MAFF: variants seen among roughly 807,000 people sequenced by gnomAD.
MAFF encodes MAF bZIP transcription factor F.
MAFF carries 4 observed loss-of-function variants against 2.7 expected under a neutral mutation model. The ratio of observed to expected loss-of-function variants is 1.48; its 90% CI spans 0.73 to 3.39. The LOEUF is 3.39. Among genes scored for constraint, MAFF ranks in the 30% most tolerant of loss-of-function variants. MAFF has a pLI of 0.01. For missense variants in MAFF, 190 were observed against 246.6 expected, an observed-to-expected ratio of 0.77 and a Z score of 1.54; for synonymous variants, 113 against 119.4, an observed-to-expected ratio of 0.95 and a Z score of 0.35.
rs955547684 is a variant in MAFF, at chr22:38,202,347, C to T, written c.-32+135C>T. On this transcript the variant is annotated intron_variant, in intron 1 of 2. Coordinates refer to ENST00000338483, the MANE Select transcript of MAFF (RefSeq NM_012323.4). This position sits in a 1 kb window ranked among gnomAD's most constrained non-coding sequence, Gnocchi z 7.4. ...CCGGAGCTCCATCGCCCGGACGGCTCGGGGCGGGGAGAAGGGAGCGGCCGT... is the reference window on the plus strand; with the variant it reads ...CCGGAGCTCCATCGCCCGGACGGCTTGGGGCGGGGAGAAGGGAGCGGCCGT... 9 of 151,830 alleles carry T rather than the reference C, an allele frequency of 5.9e-5. No individual in the cohort carries two copies. The highest frequency in any genetic ancestry group is 2.2e-4 in the African/African-American group (9 of 41,362). 9.4% of individuals were successfully genotyped at this position (151,830 alleles called of 1,614,324 possible).
chr22:38,211,297 G>A (rs2091099313), intron 1 of MAFF, among the ~76,000 whole-genome samples: 1 of 151,576 alleles, frequency 6.6e-6, no homozygotes, highest in Admixed American at 6.6e-5. Context: ...CACAATCTTG[G>A]CTCACTGCAA....
intron 1 of MAFF, chr22:38,203,459 T>C (rs900089441): frequency 5.3e-5 from 8 of 152,170 alleles, no homozygotes; most frequent in African/African-American, 9.7e-5. Flanking sequence ...GCAGGGTCAG[T>C]AGGCATTGGG....
chr22:38,204,981 G>A lies in MAFF; in HGVS notation c.-32+2769G>A, dbSNP rs138082678. ...CAAGGCAAGAGGCTGGTGAGCAGGC[G>A]GTTGTGGTCATGGTCCAGATGAAGG... On this transcript the variant is annotated intron_variant, in intron 1 of 2. Transcript: ENST00000338483. 2.8e-3 allele frequency among the ~76,000 whole-genome samples: 426 copies of A among 152,190 alleles called. 7 individuals are homozygous for A. In the East Asian group the frequency reaches 0.055, roughly 20 times the overall value.
chr22:38,209,024 T>C (rs2091075616), intron 1 of MAFF, among the ~76,000 whole-genome samples: 1 of 150,840 alleles, frequency 6.6e-6, no homozygotes, highest in Admixed American at 6.6e-5. Flanking sequence ...ATCCTTAGGA[T>C]AGTAGGGAAC....
At chr22:38,207,409 C>T (rs1449821293) in intron 1 of MAFF, among the ~76,000 whole-genome samples, 1 of 142,344 alleles carries the variant, frequency 7.0e-6, no homozygotes, top group Non-Finnish European at 1.5e-5. Flanking sequence ...GCATGAGCCA[C>T]CTTGCTTGGC....
rs1333848025 is a variant in MAFF at position 38,215,439 on chromosome 22, C to CT, written c.*563dup. ...GAAACAGGCCTGAGGTCACATTTCACTTAGTGGTTGTGTTGGGACCAAAAC... is the reference window on the plus strand; with the variant it reads ...GAAACAGGCCTGAGGTCACATTTCACTTTAGTGGTTGTGTTGGGACCAAAAC... On this transcript the variant is annotated 3_prime_UTR_variant, in exon 3 of 3. Transcript: ENST00000338483. The CT allele has an allele frequency of 6.0e-6, 1 of 167,564 alleles. No individual in the cohort carries two copies. Among genetic ancestry groups the CT allele is most frequent in the Non-Finnish European group, 1.5e-5 (1 of 68,416 alleles). 10.4% of individuals were successfully genotyped at this position (167,564 alleles called of 1,614,324 possible). A position where few individuals can be genotyped will look rare whatever the true frequency, so the allele number is the denominator to read the frequency against.
At chr22:38,213,667 A>ACTC in intron 1 of MAFF, 156 bp from the exon 2 acceptor site, 1 of 700,058 alleles carries the variant, frequency 1.4e-6, no homozygotes, top group South Asian at 1.5e-5. Context: ...GAGCCATTCA[A>ACTC]GGAGGCCTGT....
At chr22:38,209,757 T>C (rs141854951) in intron 1 of MAFF, among the ~76,000 whole-genome samples, 1,430 of 130,826 alleles carry the variant, frequency 0.011, 24 homozygotes, top group African/African-American at 0.04. Context: ...GAGGTTGCAG[T>C]GAGCTGAGAT....
At chr22:38,211,375 T>C (rs1014333211) in intron 1 of MAFF, among the ~76,000 whole-genome samples, 1 of 152,030 alleles carries the variant, frequency 6.6e-6, no homozygotes, top group African/African-American at 2.4e-5. Context: ...TACAGGCACG[T>C]GCCACCACGC....
At chr22:38,207,079 G>T (rs368793977) in intron 1 of MAFF, among the ~76,000 whole-genome samples, 6 of 151,158 alleles carry the variant, frequency 4.0e-5, no homozygotes, top group African/African-American at 1.5e-4. Flanking sequence ...ACAGGGAGGA[G>T]GTGTGTGGCT....
rs1459638861 is a variant in MAFF at position 38,216,027 on chromosome 22, T to G, written c.*1149T>G. ...CCTGAGCTGGGCTTTATATTTTATATCTGCAAATAAATCACATTTTATCTT... is the reference window on the plus strand; with the variant it reads ...CCTGAGCTGGGCTTTATATTTTATAGCTGCAAATAAATCACATTTTATCTT... On this transcript the variant is annotated 3_prime_UTR_variant, in exon 3 of 3. Transcript: ENST00000338483. 6.0e-6 allele frequency: 1 copy of G among 167,096 alleles called. No homozygotes were observed. The highest frequency in any genetic ancestry group is 1.9e-4 in the East Asian group (1 of 5,204). The allele number at this position is 167,096 out of a possible 1,614,324, so 10.4% of individuals were successfully genotyped here. A position where few individuals can be genotyped will look rare whatever the true frequency, so the allele number is the denominator to read the frequency against.
At chr22:38,211,870 G>A (rs2091104066) in intron 1 of MAFF, among the ~76,000 whole-genome samples, 1 of 152,240 alleles carries the variant, frequency 6.6e-6, no homozygotes, top group South Asian at 2.1e-4. Context: ...CAAGGAACCA[G>A]GACTTGGATC....
chr22:38,211,797 C>A (rs1354189141), intron 1 of MAFF, among the ~76,000 whole-genome samples: 3 of 152,106 alleles, frequency 2.0e-5, no homozygotes, highest in African/African-American at 7.3e-5. Flanking sequence ...TGGGAGACAC[C>A]CCGGTCCTGC....
Position 38,202,879 on chromosome 22 carries a change from A to G in MAFF, c.-32+667A>G, listed in dbSNP as rs1457608173. 6.6e-6 allele frequency: 1 copy of G among 152,068 alleles called. No individual in the cohort carries two copies. The highest frequency in any genetic ancestry group is 2.4e-5 in the African/African-American group (1 of 41,398). 9.4% of individuals were successfully genotyped at this position (152,068 alleles called of 1,614,324 possible). Reference sequence around the variant, plus strand: ...TGGGAATTCTGGCCCGGGCCGCCCCAGTCCTACTACCCGGGGCTGTCCGTC... The same window carrying G: ...TGGGAATTCTGGCCCGGGCCGCCCCGGTCCTACTACCCGGGGCTGTCCGTC... On this transcript the variant is annotated intron_variant, in intron 1 of 2. Transcript: ENST00000338483. The surrounding 1 kb of genome is among the most constrained non-coding windows in gnomAD (Gnocchi z 7.4).
At chr22:38,206,423 C>G (rs1397490352) in intron 1 of MAFF, among the ~76,000 whole-genome samples, 1 of 150,352 alleles carries the variant, frequency 6.7e-6, no homozygotes, top group Admixed American at 6.6e-5. Context: ...CTCACTGAAA[C>G]CTCCACCTCC....
rs150135045 is a variant in MAFF at position 38,212,756 on chromosome 22, G to A, written c.-31-1067G>A. Among the ~76,000 whole-genome samples the A allele has an allele frequency of 1.8e-4, 28 of 152,282 alleles. No homozygotes were observed. In the East Asian group the frequency reaches 5.0e-3, roughly 27 times the overall value. ...TAGATGAAGGAGGCCTGGGGAGAGAGGGGACTGGCTGATGTTGTATCTTAC... is the reference window on the plus strand; with the variant it reads ...TAGATGAAGGAGGCCTGGGGAGAGAAGGGACTGGCTGATGTTGTATCTTAC... On this transcript the variant is annotated intron_variant, in intron 1 of 2. Transcript: ENST00000338483.
chr22:38,205,995 C>T (rs1602331130), intron 1 of MAFF, among the ~76,000 whole-genome samples: 1 of 152,172 alleles, frequency 6.6e-6, no homozygotes, highest in African/African-American at 2.4e-5. Flanking sequence ...ATCCAGGATG[C>T]GGTTGAGGGG....
In MAFF at chr22:38,202,652, C is replaced by T. The variant is rs979902504; in HGVS notation, c.-32+440C>T. On this transcript the variant is annotated intron_variant, in intron 1 of 2. Transcript: ENST00000338483. The surrounding 1 kb of genome is among the most constrained non-coding windows in gnomAD (Gnocchi z 7.4). The stretch of plus-strand genomic sequence containing the variant: ...TGGCGGGCGGCCTGGGTATCCTGCC[C>T]GGTGCGTGCGTGCGCTGTGTACCTC... 6.5e-6 allele frequency: 1 copy of T among 153,298 alleles called. No homozygotes were observed. The highest frequency in any genetic ancestry group is 1.4e-5 in the Non-Finnish European group (1 of 69,040). The allele number at this position is 153,298 out of a possible 1,614,324, so 9.5% of individuals were successfully genotyped here.
rs2091024421 is a variant in MAFF, at chr22:38,202,828, G to A, written c.-32+616G>A. On this transcript the variant is annotated intron_variant, in intron 1 of 2. Transcript: ENST00000338483. The surrounding 1 kb of genome is among the most constrained non-coding windows in gnomAD (Gnocchi z 7.4). ...GAACAAGGACCCGAGCGAAGGAAGC[G>A]GACCCGTGCGTCTTCGCACGGGGTC... 1 of 152,234 alleles carries A rather than the reference G, an allele frequency of 6.6e-6. No individual in the cohort carries two copies. The highest frequency in any genetic ancestry group is 2.4e-5 in the African/African-American group (1 of 41,466). The allele number at this position is 152,234 out of a possible 1,614,324, so 9.4% of individuals were successfully genotyped here. A position where few individuals can be genotyped will look rare whatever the true frequency, so the allele number is the denominator to read the frequency against.
Sources: gnomAD v4.1 joint callset for allele counts (sites outside exome capture counted in the v4.1 genomes callset) on GRCh38, gnomAD v4.1.1 for gene constraint, Gnocchi (gnomAD v3.1) non-coding constraint, MANE v1.5 for transcripts, NCBI Gene and HGNC (gene_info 2026-07-23, HGNC 2026-07-21) for gene names.